AKT3: variants seen among roughly 807,000 people sequenced by gnomAD.
AKT3 encodes the protein RAC-gamma serine/threonine-protein kinase.
Under a neutral mutation model 65.3 loss-of-function variants are expected in AKT3, and 15 were observed. That is an observed-to-expected ratio of 0.23 (90% CI 0.15 to 0.35). The LOEUF is 0.35. AKT3 is among the 10% of genes least tolerant of loss of function. The pLI, the probability that AKT3 is intolerant of heterozygous loss-of-function variation, is 1.00. For missense variants in AKT3, 243 were observed against 576.5 expected, an observed-to-expected ratio of 0.42 and a Z score of 5.92; for synonymous variants, 206 against 183.8, an observed-to-expected ratio of 1.12 and a Z score of -0.98.
At chr1:243,625,230 CCA>C (rs1263896524) in intron 6 of AKT3, among the ~76,000 whole-genome samples, 1 of 144,736 alleles carries the variant, frequency 6.9e-6, no homozygotes, top group Non-Finnish European at 1.5e-5. Flanking sequence ...CTCCTGGGTT[CCA>C]GTGATTCTCC....
intron 2 of AKT3, among the ~76,000 whole-genome samples, chr1:243,790,556 A>T (rs187581700): frequency 5.9e-5 from 9 of 152,188 alleles, no homozygotes; most frequent in Non-Finnish European, 1.3e-4. Context: ...TATCAGCAAT[A>T]CGGCTGTTTC....
At chr1:243,761,442 A>T (rs1277271843) in intron 2 of AKT3, among the ~76,000 whole-genome samples, 1 of 152,204 alleles carries the variant, frequency 6.6e-6, no homozygotes, top group Non-Finnish European at 1.5e-5. Context: ...CTTTAAAAAT[A>T]TGGAAAAAAT....
intron 2 of AKT3, among the ~76,000 whole-genome samples, chr1:243,783,443 G>A (rs1267372290): frequency 6.6e-6 from 1 of 152,138 alleles, no homozygotes; most frequent in Non-Finnish European, 1.5e-5. Flanking sequence ...CTGTGCTCAG[G>A]CCCCTTCTGT....
chr1:243,585,069 A>C (rs1357026128), intron 8 of AKT3, among the ~76,000 whole-genome samples: 2 of 152,202 alleles, frequency 1.3e-5, no homozygotes, highest in East Asian at 3.8e-4. Context: ...AGAGAAAATC[A>C]ATGTACAAAA....
intron 4 of AKT3, among the ~76,000 whole-genome samples, chr1:243,647,474 A>G (rs1157507615): frequency 6.6e-6 from 1 of 152,202 alleles, no homozygotes; most frequent in Non-Finnish European, 1.5e-5. Context: ...TCCTAATGAC[A>G]TGTTTCTCAA....
chr1:243,585,780 A>G (rs984034249), intron 8 of AKT3, among the ~76,000 whole-genome samples: 1 of 152,200 alleles, frequency 6.6e-6, no homozygotes, highest in Non-Finnish European at 1.5e-5. Flanking sequence ...CTCAAACTAT[A>G]AGAATCCTAG....
At chr1:243,758,872 G>C (rs1689311093) in intron 2 of AKT3, among the ~76,000 whole-genome samples, 1 of 152,206 alleles carries the variant, frequency 6.6e-6, no homozygotes, top group Non-Finnish European at 1.5e-5. Context: ...CTTGTCCACA[G>C]GCTGGGGGTT....
At chr1:243,577,143 T>C (rs72761606) in intron 8 of AKT3, among the ~76,000 whole-genome samples, 25,583 of 151,960 alleles carry the variant, frequency 0.17, 2,318 homozygotes, top group South Asian at 0.3. Context: ...ATCCTATTGA[T>C]TGATTGCTTG....
chr1:243,832,335 C>G (rs888653116), intron 2 of AKT3, among the ~76,000 whole-genome samples: 2 of 151,894 alleles, frequency 1.3e-5, no homozygotes, highest in African/African-American at 2.4e-5. Flanking sequence ...TGTACTCCTA[C>G]TTCTCACAAA....
intron 3 of AKT3, among the ~76,000 whole-genome samples, chr1:243,667,427 T>C (rs1471186255): frequency 2.6e-5 from 4 of 152,112 alleles, no homozygotes; most frequent in African/African-American, 9.7e-5. Flanking sequence ...TCCTTTCAAT[T>C]GCCCAAGCTG....
intron 12 of AKT3, among the ~76,000 whole-genome samples, chr1:243,545,063 A>T (rs1367062163): frequency 6.6e-6 from 1 of 152,144 alleles, no homozygotes; most frequent in African/African-American, 2.4e-5. Flanking sequence ...AAAGTAAGAC[A>T]CTGTGTTTAC....
chr1:243,572,712 T>A (rs1043980621), intron 9 of AKT3, among the ~76,000 whole-genome samples: 27 of 152,158 alleles, frequency 1.8e-4, no homozygotes, highest in African/African-American at 6.5e-4. Flanking sequence ...CGGGCAGAAA[T>A]TGCTTTGCAA....
intron 13 of AKT3, among the ~76,000 whole-genome samples, chr1:243,509,621 C>T (rs1215013535): frequency 6.6e-6 from 1 of 152,162 alleles, no homozygotes; most frequent in Non-Finnish European, 1.5e-5. Context: ...TCCGCCGGCC[C>T]TCCACTACAC....
At chr1:243,625,954 G>T (rs1437846984) in intron 6 of AKT3, among the ~76,000 whole-genome samples, 3 of 152,188 alleles carry the variant, frequency 2.0e-5, no homozygotes, top group African/African-American at 7.2e-5. Context: ...AAAGGGAAAT[G>T]GTCCTTCCCC....
At chr1:243,781,913 T>A (rs892264617) in intron 2 of AKT3, among the ~76,000 whole-genome samples, 1 of 152,096 alleles carries the variant, frequency 6.6e-6, no homozygotes, top group Admixed American at 6.6e-5. Flanking sequence ...GCCTCGACCT[T>A]CTGAGCCCAA....
intron 2 of AKT3, among the ~76,000 whole-genome samples, chr1:243,765,468 CTAAG>C (rs1179852180): frequency 6.6e-6 from 1 of 152,156 alleles, no homozygotes; most frequent in Non-Finnish European, 1.5e-5. Flanking sequence ...CAATGACTTC[CTAAG>C]TATTCATTTC....
intron 4 of AKT3, among the ~76,000 whole-genome samples, chr1:243,663,015 TAAG>T (rs1187713640): frequency 6.6e-6 from 1 of 152,166 alleles, no homozygotes; most frequent in African/African-American, 2.4e-5. Context: ...AAAAATCCAC[TAAG>T]AATAACATTT....
At chr1:243,681,910 G>C (rs913169244) in intron 3 of AKT3, among the ~76,000 whole-genome samples, 1 of 151,890 alleles carries the variant, frequency 6.6e-6, no homozygotes, top group East Asian at 1.9e-4. Flanking sequence ...TAAAAAGCAG[G>C]CTCTTTAAAA....
chr1:243,624,031 T>C (rs1558661844), intron 6 of AKT3, among the ~76,000 whole-genome samples: 2 of 152,196 alleles, frequency 1.3e-5, no homozygotes, highest in African/African-American at 4.8e-5. Flanking sequence ...CATGAGTCTT[T>C]TCTGAGTCTT....
Sources: allele counts gnomAD v4.1 joint callset (sites outside exome capture counted in the v4.1 genomes callset), GRCh38; gene constraint gnomAD v4.1.1; transcripts MANE v1.5; gene names NCBI Gene and HGNC (gene_info 2026-07-23, HGNC 2026-07-21).